Variants in SNTG1 observed in about 807,000 individuals in gnomAD.
SNTG1 encodes gamma-1-syntrophin.
Under a neutral mutation model 74.7 loss-of-function variants are expected in SNTG1, and 39 were observed. The observed-to-expected ratio is 0.52, with a 90% CI of 0.40 to 0.68. The LOEUF (loss-of-function observed/expected upper bound fraction) is 0.68, where lower values mean the gene tolerates loss of function less well. Ranked by LOEUF, SNTG1 falls within the 30% of genes least tolerant of loss-of-function variation. The pLI, the probability that SNTG1 is intolerant of heterozygous loss-of-function variation, is 0.00. For synonymous variants in SNTG1, 254 were observed against 217.1 expected, an observed-to-expected ratio of 1.17 and a Z score of -1.49; for missense variants, 685 against 609.5, an observed-to-expected ratio of 1.12 and a Z score of -1.30.
At chr8:50,408,549 A>C (rs974543102) in intron 4 of SNTG1, among the ~76,000 whole-genome samples, 1 of 152,166 alleles carries the variant, frequency 6.6e-6, no homozygotes, top group South Asian at 2.1e-4. Context: ...GCACCAAGGC[A>C]GGAGAGGGTG....
At chr8:50,055,961 T>C (rs1453727354) in intron 1 of SNTG1, among the ~76,000 whole-genome samples, 2 of 152,178 alleles carry the variant, frequency 1.3e-5, no homozygotes, top group Non-Finnish European at 2.9e-5. Context: ...CAGGTAATTC[T>C]ATTTGACCCC....
At chr8:50,781,325 T>C (rs989666860) in intron 18 of SNTG1, among the ~76,000 whole-genome samples, 2 of 152,078 alleles carry the variant, frequency 1.3e-5, no homozygotes, top group African/African-American at 4.8e-5. Context: ...CCCATTATTA[T>C]TGTGTGGGAG....
intron 1 of SNTG1, among the ~76,000 whole-genome samples, chr8:50,123,006 G>A (rs536153628): frequency 7.0e-6 from 1 of 142,790 alleles, no homozygotes; most frequent in South Asian, 2.6e-4. Flanking sequence ...AGCATACTGT[G>A]ACAGATTCAG....
At chr8:50,441,607 TA>T (rs1254963549) in intron 5 of SNTG1, among the ~76,000 whole-genome samples, 43 of 152,296 alleles carry the variant, frequency 2.8e-4, no homozygotes, top group Middle Eastern at 3.4e-3. Flanking sequence ...AAATATGACT[TA>T]AGTAAGTCCG....
intron 13 of SNTG1, among the ~76,000 whole-genome samples, chr8:50,601,354 AT>A (rs1482615757): frequency 6.6e-5 from 10 of 151,612 alleles, no homozygotes; most frequent in Non-Finnish European, 1.3e-4. Context: ...AGGTTTTTCA[AT>A]TTCCCTCTTA....
chr8:50,371,245 A>G (rs182243719), intron 2 of SNTG1, among the ~76,000 whole-genome samples: 1 of 152,308 alleles, frequency 6.6e-6, no homozygotes, highest in African/African-American at 2.4e-5. Context: ...GCCCATCATT[A>G]ACTGGATGTT....
intron 13 of SNTG1, among the ~76,000 whole-genome samples, chr8:50,639,425 A>G (rs917863626): frequency 2.0e-5 from 3 of 151,872 alleles, no homozygotes; most frequent in African/African-American, 7.2e-5. Context: ...TTGTTTTTCT[A>G]TGAACTTGTT....
At chr8:50,446,854 A>T (rs2093412645) in intron 5 of SNTG1, among the ~76,000 whole-genome samples, 1 of 152,202 alleles carries the variant, frequency 6.6e-6, no homozygotes, top group Non-Finnish European at 1.5e-5. Context: ...CCAAGACCCC[A>T]GTAGTTGCCC....
At chr8:50,426,833 A>C (rs1273190558) in intron 4 of SNTG1, among the ~76,000 whole-genome samples, 1 of 151,546 alleles carries the variant, frequency 6.6e-6, no homozygotes, top group Non-Finnish European at 1.5e-5. Context: ...AAGAAGTAAC[A>C]CAAATTTAAA....
chr8:50,485,442 C>T (rs1242855707), intron 8 of SNTG1, among the ~76,000 whole-genome samples: 1 of 152,068 alleles, frequency 6.6e-6, no homozygotes, highest in East Asian at 1.9e-4. Flanking sequence ...TTTGTCTTCC[C>T]ACCAGCTTAG....
intron 2 of SNTG1, among the ~76,000 whole-genome samples, chr8:50,232,390 A>C (rs958080537): frequency 6.6e-6 from 1 of 151,432 alleles, no homozygotes; most frequent in South Asian, 2.1e-4. Context: ...TTTATGATTA[A>C]TAAATACTCT....
At chr8:50,504,373 T>A (rs2093989107) in intron 9 of SNTG1, among the ~76,000 whole-genome samples, 2 of 152,170 alleles carry the variant, frequency 1.3e-5, no homozygotes, top group African/African-American at 4.8e-5. Flanking sequence ...GACCCAGCAA[T>A]CCCATCACTG....
intron 2 of SNTG1, among the ~76,000 whole-genome samples, chr8:50,177,054 G>A (rs2083024652): frequency 6.6e-6 from 1 of 152,154 alleles, no homozygotes; most frequent in African/African-American, 2.4e-5. Context: ...GTGTTTGTCT[G>A]TGAAGTAGAG....
chr8:50,512,145 T>C (rs60786125), intron 9 of SNTG1, among the ~76,000 whole-genome samples: 1,611 of 152,212 alleles, frequency 0.011, 26 homozygotes, highest in African/African-American at 0.035. Flanking sequence ...TGCTTGTCTG[T>C]AAAGTATTTT....
At chr8:50,305,904 A>T (rs1029298289) in intron 2 of SNTG1, among the ~76,000 whole-genome samples, 16 of 23,676 alleles carry the variant, frequency 6.8e-4, no homozygotes, top group Admixed American at 5.3e-3. Flanking sequence ...ATATTTATTT[A>T]AAAAAAAAAA....
At chr8:50,383,438 A>G (rs2092523339) in intron 2 of SNTG1, among the ~76,000 whole-genome samples, 2 of 152,264 alleles carry the variant, frequency 1.3e-5, no homozygotes, top group Admixed American at 6.5e-5. Flanking sequence ...TATATTATAC[A>G]TATGTGTATA....
At chr8:49,988,438 G>T (rs754731050) in intron 1 of SNTG1, among the ~76,000 whole-genome samples, 26 of 152,108 alleles carry the variant, frequency 1.7e-4, no homozygotes, top group Non-Finnish European at 3.4e-4. Flanking sequence ...GTCTCATCAG[G>T]TAGGCAATAT....
chr8:50,160,807 T>C (rs1181933422), intron 1 of SNTG1, among the ~76,000 whole-genome samples: 1 of 152,184 alleles, frequency 6.6e-6, no homozygotes, highest in Non-Finnish European at 1.5e-5. Flanking sequence ...ATAGCTGTAG[T>C]ACTTTTTTGG....
intron 1 of SNTG1, among the ~76,000 whole-genome samples, chr8:50,081,354 T>C (rs1822388783): frequency 6.6e-6 from 1 of 152,188 alleles, no homozygotes; most frequent in South Asian, 2.1e-4. Context: ...TTACTCACTT[T>C]TTGGCTTTCA....
Sources: gnomAD v4.1 joint callset for allele counts (sites outside exome capture counted in the v4.1 genomes callset) on GRCh38, gnomAD v4.1.1 for gene constraint, MANE v1.5 for transcripts, NCBI Gene and HGNC (gene_info 2026-07-23, HGNC 2026-07-21) for gene names.